Variants in RPA2 observed in about 807,000 individuals in gnomAD.
The protein encoded by RPA2 is replication protein A 32 kDa subunit.
Under a neutral mutation model 33.4 loss-of-function variants are expected in RPA2, and 22 were observed. That is an observed-to-expected ratio of 0.66 (90% CI 0.47 to 0.94). RPA2 has a LOEUF of 0.94. Ranked by LOEUF, RPA2 falls within the 40% of genes least tolerant of loss-of-function variation. RPA2 has a pLI of 0.00. For synonymous variants in RPA2, 109 were observed against 114.9 expected, an observed-to-expected ratio of 0.95 and a Z score of 0.33; for missense variants, 279 against 329.9, an observed-to-expected ratio of 0.85 and a Z score of 1.19.
At chr1:27,893,113 C>A (rs948566424) in intron 8 of RPA2, among the ~76,000 whole-genome samples, 1 of 152,206 alleles carries the variant, frequency 6.6e-6, no homozygotes, top group African/African-American at 2.4e-5. Flanking sequence ...GAGCTAAGGA[C>A]TTCCTTCCTC....
At position 27,894,249 on chromosome 1, in the gene RPA2, T is replaced by C. The variant is rs761703257; in HGVS notation, c.633+41A>G. The C allele has an allele frequency of 3.8e-6, 6 of 1,576,122 alleles. No individual in the cohort carries two copies. In the South Asian group the frequency reaches 5.6e-5, roughly 15 times the overall value. On this transcript the variant is annotated intron_variant, in intron 7 of 8. Transcript: ENST00000373912. The stretch of plus-strand genomic sequence containing the variant: ...AAGGAAGTAACAAAATTTAAGACTA[T>C]CTGTGTTTTGTATTTCTGAAGCCAC...
In RPA2 at chr1:27,907,041, C is replaced by T; in HGVS notation, c.220G>A (p.Val74Ile). Residue 74 changes from valine to isoleucine, a missense_variant and splice_region_variant, in exon 4 of 9, where the codon GTC becomes ATC. Transcript: ENST00000373912. ...TGTCTGATGATCCCCACAATAGTGA[C>T]CTAGGTTAGAAGAAACAAAGAAAAA... ...FRIGNVEISQ[V>I]TIVGIIRHAE... 1 of 1,599,788 alleles carries T rather than the reference C, an allele frequency of 6.3e-7. No homozygotes were observed. The highest frequency in any genetic ancestry group is 8.5e-7 in the Non-Finnish European group (1 of 1,174,824).
intron 4 of RPA2, among the ~76,000 whole-genome samples, chr1:27,903,983 A>G (rs11247713): frequency 0.8 from 122,044 of 151,652 alleles, 49,867 homozygotes; most frequent in African/African-American, 0.95. Flanking sequence ...TGACCAATAC[A>G]GAGAAACCCT....
Position 27,897,109 on chromosome 1 carries a change from G to C in RPA2, c.421C>G (p.Leu141Val). 6.2e-7 allele frequency: 1 copy of C among 1,610,696 alleles called. No individual in the cohort carries two copies. The highest frequency in any genetic ancestry group is 8.5e-7 in the Non-Finnish European group (1 of 1,178,806). The part of the protein sequence containing the change: ...HLRSFQNKKS[L>V]VAFKIMPLED... ...AGGGGCATGATCTTAAAGGCTACCA[G>C]GCTCTTTTTGTTCTATTAAAATGAA... The change falls in exon 6 of 9, where the codon CTG becomes GTG. Residue 141 changes from leucine to valine, a missense_variant. Leu to Val is a conservative substitution (Grantham distance 32, BLOSUM62 1). Around this residue, in one of 2 missense-constraint regions of RPA2, gnomAD observed 274 missense variants for 310.3 expected, o/e 0.88. Coordinates refer to ENST00000373912, the MANE Select transcript of RPA2 (RefSeq NM_002946.5).
chr1:27,901,093 T>C (rs575265791), intron 4 of RPA2, among the ~76,000 whole-genome samples: 31 of 152,320 alleles, frequency 2.0e-4, no homozygotes, highest in Non-Finnish European at 3.5e-4. Flanking sequence ...GAATCCAATT[T>C]TGAAAGAAGT....
intron 4 of RPA2, among the ~76,000 whole-genome samples, chr1:27,901,887 A>G (rs2089971680): frequency 6.6e-6 from 1 of 152,046 alleles, no homozygotes. Flanking sequence ...GGTGTGAGCC[A>G]CTGTGCCTGG....
chr1:27,899,237 A>C (rs1295071028), intron 4 of RPA2, among the ~76,000 whole-genome samples: 2 of 151,696 alleles, frequency 1.3e-5, no homozygotes, highest in Non-Finnish European at 2.9e-5. Flanking sequence ...GGGTGGGCAC[A>C]GTGGCTCACG....
Position 27,896,944 on chromosome 1 carries a change from C to T in RPA2, c.525+61G>A, listed in dbSNP as rs1571606469. 5.5e-6 allele frequency: 7 copies of T among 1,265,038 alleles called. No homozygotes were observed. The East Asian group carries it at 1.7e-4, about 30-fold the overall frequency. The allele number at this position is 1,265,038 out of a possible 1,614,324, so 78.4% of individuals were successfully genotyped here. A position where few individuals can be genotyped will look rare whatever the true frequency, so the allele number is the denominator to read the frequency against. ...AATATCAAGGAAATCAAAGCTGGAA[C>T]ACAAAAGTAGCCTGTGTTCTTCCAG... On this transcript the variant is annotated intron_variant, in intron 6 of 8. Transcript: ENST00000373912.
intron 4 of RPA2, among the ~76,000 whole-genome samples, chr1:27,903,729 A>T (rs1210410719): frequency 6.6e-6 from 1 of 151,614 alleles, no homozygotes; most frequent in Non-Finnish European, 1.5e-5. Flanking sequence ...CAAAAAAAAA[A>T]AAAAAAATCA....
At chr1:27,896,354 G>A (rs2089892312) in intron 6 of RPA2, among the ~76,000 whole-genome samples, 1 of 151,888 alleles carries the variant, frequency 6.6e-6, no homozygotes, top group South Asian at 2.1e-4. Flanking sequence ...TTTTTGTAGA[G>A]ACAGGGTCTC....
At chr1:27,903,700 C>T (rs2089994310) in intron 4 of RPA2, among the ~76,000 whole-genome samples, 2 of 147,746 alleles carry the variant, frequency 1.4e-5, no homozygotes, top group African/African-American at 2.5e-5. Context: ...GCCCGGATAA[C>T]ACGAGTGAAG....
intron 2 of RPA2, among the ~76,000 whole-genome samples, chr1:27,910,395 T>C (rs1464129864): frequency 1.3e-5 from 2 of 152,200 alleles, no homozygotes; most frequent in East Asian, 3.8e-4. Flanking sequence ...TTCAAATTCA[T>C]CTCAAATCAA....
intron 2 of RPA2, among the ~76,000 whole-genome samples, chr1:27,913,245 G>T (rs571539790): frequency 6.0e-5 from 9 of 151,048 alleles, no homozygotes; most frequent in Non-Finnish European, 1.3e-4. Flanking sequence ...GAGCCACCGC[G>T]GCTGGCCCAA....
At chr1:27,908,829 T>TAAG (rs2090063648) in intron 2 of RPA2, among the ~76,000 whole-genome samples, 1 of 152,170 alleles carries the variant, frequency 6.6e-6, no homozygotes, top group African/African-American at 2.4e-5. Context: ...CAGACAACAG[T>TAAG]GTAAACTTAT....
intron 4 of RPA2, among the ~76,000 whole-genome samples, chr1:27,906,487 C>G (rs1020408106): frequency 6.6e-6 from 1 of 151,554 alleles, no homozygotes; most frequent in Non-Finnish European, 1.5e-5. Flanking sequence ...GTCAGGAGTT[C>G]AAGACCAGCC....
At chr1:27,903,327 C>T (rs1315984624) in intron 4 of RPA2, among the ~76,000 whole-genome samples, 1 of 152,120 alleles carries the variant, frequency 6.6e-6, no homozygotes, top group Non-Finnish European at 1.5e-5. Flanking sequence ...AATGTTGTTC[C>T]CTGACTGGGT....
chr1:27,913,929 G>C (rs190231863), intron 2 of RPA2, 134 bp downstream of exon 2: 9 of 851,252 alleles, frequency 1.1e-5, no homozygotes, highest in African/African-American at 1.7e-5. Flanking sequence ...AATTATAAGA[G>C]ATGCAGATAA....
At chr1:27,907,623 A>G (rs1014356978) in intron 2 of RPA2, among the ~76,000 whole-genome samples, 2 of 152,218 alleles carry the variant, frequency 1.3e-5, no homozygotes, top group African/African-American at 4.8e-5. Context: ...CCCCAGCTTT[A>G]GGGTGTAGAC....
At chr1:27,904,804 C>T (rs908556228) in intron 4 of RPA2, among the ~76,000 whole-genome samples, 5 of 151,918 alleles carry the variant, frequency 3.3e-5, no homozygotes, top group African/African-American at 1.2e-4. Context: ...GCTGGGATTA[C>T]AGGCACCCAG....
Sources: gnomAD v4.1 joint callset for allele counts (sites outside exome capture counted in the v4.1 genomes callset) on GRCh38, gnomAD v4.1.1 for gene constraint, gnomAD v4.1.1 regional missense constraint, MANE v1.5 for transcripts, NCBI Gene and HGNC (gene_info 2026-07-23, HGNC 2026-07-21) for gene names.